The following SMARCC1 variants were observed in gnomAD, a reference collection of about 807,000 sequenced individuals.
The protein encoded by SMARCC1 is SWI/SNF complex subunit SMARCC1.
A neutral mutation model predicts 147.4 loss-of-function variants in SMARCC1; 43 were observed. That is an observed-to-expected ratio of 0.29 (90% CI 0.23 to 0.38). The LOEUF is 0.38. Among genes scored for constraint, SMARCC1 ranks in the 10% least tolerant of loss-of-function variants. SMARCC1 has a pLI of 1.00. For synonymous variants in SMARCC1, 495 were observed against 484.4 expected, an observed-to-expected ratio of 1.02 and a Z score of -0.29; for missense variants, 1,119 against 1,381.1, an observed-to-expected ratio of 0.81 and a Z score of 3.01.
At chr3:47,667,626 C>T (rs1342042640) in intron 19 of SMARCC1, among the ~76,000 whole-genome samples, 1 of 152,150 alleles carries the variant, frequency 6.6e-6, no homozygotes, top group African/African-American at 2.4e-5. Flanking sequence ...TGCCTGTAAT[C>T]CCAGCACTCT....
chr3:47,676,527 A>G (rs2033576615), intron 17 of SMARCC1, 102 bp downstream of exon 17: 1 of 824,990 alleles, frequency 1.2e-6, no homozygotes, highest in Non-Finnish European at 1.9e-6. Flanking sequence ...AAATAGCACT[A>G]ATAATAGCAT....
intron 2 of SMARCC1, among the ~76,000 whole-genome samples, chr3:47,770,541 T>C (rs2034900530): frequency 6.6e-6 from 1 of 152,132 alleles, no homozygotes; most frequent in Non-Finnish European, 1.5e-5. Flanking sequence ...AAGACTCACT[T>C]GAACCTGGGA....
chr3:47,708,074 ATTTTTTTTCTTTTTTTTTTTTTTTTTT>A (rs1389572378), intron 9 of SMARCC1, among the ~76,000 whole-genome samples: 21 of 41,668 alleles, frequency 5.0e-4, no homozygotes, highest in African/African-American at 1.5e-3. Flanking sequence ...CTGAAGTTGA[ATTTTTTTTCTTTTTTTTTTTTTTTTTT>A]TTTTTTTTTT....
At chr3:47,653,753 T>C (rs934956739) in intron 21 of SMARCC1, among the ~76,000 whole-genome samples, 20 of 152,336 alleles carry the variant, frequency 1.3e-4, no homozygotes, top group African/African-American at 4.8e-4. Context: ...TGTTATGGTC[T>C]GTTTTCCTTA....
intron 22 of SMARCC1, among the ~76,000 whole-genome samples, chr3:47,636,474 T>C (rs1309783572): frequency 6.6e-6 from 1 of 152,062 alleles, no homozygotes; most frequent in African/African-American, 2.4e-5. Context: ...CCGGGCCGGG[T>C]GCAGTAGCTC....
At chr3:47,678,580 T>C (rs941032781) in intron 15 of SMARCC1, among the ~76,000 whole-genome samples, 5 of 152,250 alleles carry the variant, frequency 3.3e-5, no homozygotes, top group African/African-American at 4.8e-5. Context: ...GTCATGGTGG[T>C]AGTTAACTGC....
At chr3:47,615,810 A>G (rs1395359018) in intron 25 of SMARCC1, among the ~76,000 whole-genome samples, 1 of 152,042 alleles carries the variant, frequency 6.6e-6, no homozygotes, top group Non-Finnish European at 1.5e-5. Flanking sequence ...CAGCCTCCTG[A>G]ATAGCTGGAA....
At chr3:47,721,092 A>C (rs1398138096) in intron 6 of SMARCC1, among the ~76,000 whole-genome samples, 3 of 151,926 alleles carry the variant, frequency 2.0e-5, no homozygotes, top group Non-Finnish European at 2.9e-5. Flanking sequence ...CCCATGGTGA[A>C]CCTCTCATCC....
intron 25 of SMARCC1, among the ~76,000 whole-genome samples, chr3:47,618,368 C>T (rs1234610232): frequency 1.3e-5 from 2 of 150,188 alleles, no homozygotes; most frequent in East Asian, 3.9e-4. Flanking sequence ...ATGGCAAGAT[C>T]TTGTCAATAT....
intron 1 of SMARCC1, among the ~76,000 whole-genome samples, chr3:47,773,675 G>A (rs1459989041): frequency 6.6e-6 from 1 of 151,814 alleles, no homozygotes; most frequent in Non-Finnish European, 1.5e-5. Context: ...TTTCACCCAG[G>A]TTGGAGTGCA....
At chr3:47,663,967 A>G in intron 19 of SMARCC1, 1 of 1,247,174 alleles carries the variant, frequency 8.0e-7, no homozygotes, top group Non-Finnish European at 1.1e-6. Context: ...CTCCGCAGAA[A>G]TGATTCCAAA....
intron 26 of SMARCC1, among the ~76,000 whole-genome samples, chr3:47,591,258 T>C (rs1439439643): frequency 6.6e-6 from 1 of 152,080 alleles, no homozygotes; most frequent in African/African-American, 2.4e-5. Context: ...GGACCACAAT[T>C]CAGTCCAGAT....
At chr3:47,645,002 A>C (rs892887511) in intron 21 of SMARCC1, among the ~76,000 whole-genome samples, 6 of 152,272 alleles carry the variant, frequency 3.9e-5, no homozygotes, top group South Asian at 2.1e-4. Context: ...TTCCAATAGC[A>C]ATTAGTCAAT....
At chr3:47,696,925 A>G (rs1219502823) in intron 11 of SMARCC1, among the ~76,000 whole-genome samples, 1 of 152,182 alleles carries the variant, frequency 6.6e-6, no homozygotes, top group Non-Finnish European at 1.5e-5. Flanking sequence ...CAGTGATGCA[A>G]TCATGGCTCA....
intron 1 of SMARCC1, among the ~76,000 whole-genome samples, chr3:47,776,269 T>A (rs537766974): frequency 3.7e-4 from 57 of 152,308 alleles, no homozygotes; most frequent in African/African-American, 1.3e-3. Context: ...AGTCATATAA[T>A]GTACTGCACT....
chr3:47,731,356 C>T (rs1051851306), intron 5 of SMARCC1, among the ~76,000 whole-genome samples: 2 of 152,180 alleles, frequency 1.3e-5, no homozygotes, highest in African/African-American at 2.4e-5. Flanking sequence ...TCTGTAGTTA[C>T]TTCCTCTACT....
intron 26 of SMARCC1, among the ~76,000 whole-genome samples, chr3:47,602,517 C>T (rs140635405): frequency 1.1e-4 from 16 of 152,126 alleles, no homozygotes; most frequent in South Asian, 2.1e-4. Flanking sequence ...AGGTTGGTCT[C>T]GAACTCCTGA....
At chr3:47,598,825 C>CAAAA (rs59776566) in intron 26 of SMARCC1, among the ~76,000 whole-genome samples, 4 of 69,020 alleles carry the variant, frequency 5.8e-5, no homozygotes, top group African/African-American at 2.3e-4. Flanking sequence ...GACTCTGTCT[C>CAAAA]AAAAAAAAAA....
In SMARCC1 at chr3:47,744,308, AT is replaced by A. The variant is rs1278270133; in HGVS notation, c.401+1599del. ...AAGTGCCTGCCACCAAGTCTGGCTA[AT>A]TTTTTTTGTATTTTTAGTAGAGACA... On this transcript the variant is annotated intron_variant, in intron 3 of 27. Transcript: ENST00000254480. Among the ~76,000 whole-genome samples, 9 of 151,856 alleles carry A rather than the reference AT, an allele frequency of 5.9e-5. No individual in the cohort carries two copies. The East Asian group carries it at 1.5e-3, about 26-fold the overall frequency.
Sources: allele counts gnomAD v4.1 joint callset (sites outside exome capture counted in the v4.1 genomes callset), GRCh38; gene constraint gnomAD v4.1.1; transcripts MANE v1.5; gene names NCBI Gene and HGNC (gene_info 2026-07-23, HGNC 2026-07-21).